TUSC3: variants seen among roughly 807,000 people sequenced by gnomAD.
TUSC3 encodes the protein dolichyl-diphosphooligosaccharide--protein glycosyltransferase subunit TUSC3.
In TUSC3, 45 loss-of-function variants were observed where a neutral mutation model predicts 44.8. That is an observed-to-expected ratio of 1.00 (90% CI 0.79 to 1.29). TUSC3 has a LOEUF of 1.29. Among genes scored for constraint, TUSC3 ranks in the 50% most tolerant of loss-of-function variants. The pLI, the probability that TUSC3 is intolerant of heterozygous loss-of-function variation, is 0.00. For synonymous variants in TUSC3, 212 were observed against 152.9 expected (o/e 1.39, Z -2.85); for missense variants, 519 against 437.9 (o/e 1.19, Z -1.65).
chr8:15,805,081 G>T, the TUSC3 span, among the ~76,000 whole-genome samples: 1 of 151,796 alleles, frequency 6.6e-6, no homozygotes, highest in Non-Finnish European at 1.5e-5. Context: ...TTTTATTTTT[G>T]TGTGTGTGGC....
At chr8:15,510,959 T>C (rs1208152594) in intron 2 of TUSC3, among the ~76,000 whole-genome samples, 1 of 152,116 alleles carries the variant, frequency 6.6e-6, no homozygotes, top group Admixed American at 6.5e-5. Flanking sequence ...ATTAGCAAAC[T>C]AAAAAGGAAA....
At chr8:15,741,838 C>G (rs1165165200) in intron 7 of TUSC3, among the ~76,000 whole-genome samples, 2 of 151,930 alleles carry the variant, frequency 1.3e-5, no homozygotes, top group Admixed American at 1.3e-4. Context: ...AAAGGGGAAA[C>G]TTAGTAACTC....
the TUSC3 span, among the ~76,000 whole-genome samples, chr8:15,781,944 C>A: frequency 2.0e-5 from 3 of 152,234 alleles, no homozygotes; most frequent in South Asian, 6.2e-4. Flanking sequence ...ACCACCCTAG[C>A]CAAGATGGCA....
At chr8:15,523,660 A>ATG (rs1193949854) in intron 2 of TUSC3, among the ~76,000 whole-genome samples, 13 of 16,400 alleles carry the variant, frequency 7.9e-4, no homozygotes, top group African/African-American at 2.8e-3. Context: ...ATATATATAT[A>ATG]TATATGTGTG....
chr8:15,832,578 T>C, the TUSC3 span, among the ~76,000 whole-genome samples: 2 of 151,894 alleles, frequency 1.3e-5, no homozygotes, highest in East Asian at 1.9e-4. Flanking sequence ...AAAATAAAGA[T>C]CTGGAGGAAA....
chr8:15,592,061 G>T (rs1803865329), intron 1 of TUSC3, among the ~76,000 whole-genome samples: 1 of 152,120 alleles, frequency 6.6e-6, no homozygotes, highest in African/African-American at 2.4e-5. Context: ...TAGACTGGAA[G>T]AAGAGAAGGA....
intron 6 of TUSC3, among the ~76,000 whole-genome samples, chr8:15,692,375 G>GTTTTTTTTTTT (rs59838929): frequency 1.3e-4 from 9 of 68,338 alleles, no homozygotes; most frequent in East Asian, 5.1e-4. Flanking sequence ...CCCCCCCTTT[G>GTTTTTTTTTTT]TTTTTTTTTT....
rs1425595766 is a variant in TUSC3, at chr8:15,662,268, A to G, written c.680A>G (p.Asn227Ser). The part of the protein sequence containing the change: ...LRRNNLEFIY[N>S]KTGWAMVSLC... ...AGGAACAACTTGGAGTTCATCTATAACAAGACTGGTTGGGCCATGGTGTCT... is the reference window on the plus strand; with the variant it reads ...AGGAACAACTTGGAGTTCATCTATAGCAAGACTGGTTGGGCCATGGTGTCT... The change falls in exon 5 of 11, where the codon AAC becomes AGC. Residue 227 changes from asparagine to serine, a missense_variant. Transcript: ENST00000503731. The G allele has an allele frequency of 6.2e-7, 1 of 1,613,042 alleles. No individual in the cohort carries two copies. The highest frequency in any genetic ancestry group is 8.5e-7 in the Non-Finnish European group (1 of 1,179,246).
intron 9 of TUSC3, among the ~76,000 whole-genome samples, chr8:15,754,774 C>G (rs1811854244): frequency 7.2e-6 from 1 of 137,992 alleles, no homozygotes. Context: ...GAACCGTGAT[C>G]ATAATTGTCT....
the TUSC3 span, among the ~76,000 whole-genome samples, chr8:15,797,587 C>T: frequency 6.6e-6 from 1 of 152,156 alleles, no homozygotes; most frequent in Non-Finnish European, 1.5e-5. Flanking sequence ...ATAGGAAAAA[C>T]ATTGGAAATT....
intron 1 of TUSC3, among the ~76,000 whole-genome samples, chr8:15,474,229 G>A (rs763042066): frequency 1.3e-5 from 2 of 152,058 alleles, no homozygotes; most frequent in Non-Finnish European, 2.9e-5. Context: ...GAAAATCGCT[G>A]TTATTCTGTT....
intron 1 of TUSC3, among the ~76,000 whole-genome samples, chr8:15,468,077 T>G (rs1327365795): frequency 6.6e-6 from 1 of 152,216 alleles, no homozygotes. Context: ...CAGGTACATC[T>G]TAGAGCTCTA....
chr8:15,626,188 T>A (rs544881576), intron 2 of TUSC3, among the ~76,000 whole-genome samples: 1 of 152,238 alleles, frequency 6.6e-6, no homozygotes, highest in South Asian at 2.1e-4. Context: ...CTCCCAGGCC[T>A]GGAGCCTCTG....
intron 1 of TUSC3, among the ~76,000 whole-genome samples, chr8:15,477,050 C>T (rs1585058933): frequency 6.6e-6 from 1 of 152,276 alleles, no homozygotes; most frequent in East Asian, 1.9e-4. Flanking sequence ...TTACGATTTT[C>T]CATCTGACAC....
intron 2 of TUSC3, among the ~76,000 whole-genome samples, chr8:15,520,117 A>C (rs1801275795): frequency 6.6e-6 from 1 of 152,094 alleles, no homozygotes; most frequent in African/African-American, 2.4e-5. Context: ...TTCCTGTTCT[A>C]ATTCTTCTGT....
chr8:15,513,407 G>T (rs1173238952), intron 2 of TUSC3, among the ~76,000 whole-genome samples: 1 of 152,090 alleles, frequency 6.6e-6, no homozygotes, highest in Non-Finnish European at 1.5e-5. Flanking sequence ...ATATTTGCTG[G>T]ATATAAATTG....
intron 3 of TUSC3, 39 bp from the exon 4 acceptor site, chr8:15,659,468 A>G (rs549014001): frequency 1.2e-6 from 2 of 1,601,654 alleles, no homozygotes; most frequent in East Asian, 2.2e-5. Flanking sequence ...TAATGATAAG[A>G]TGATCCTATA....
the TUSC3 span, among the ~76,000 whole-genome samples, chr8:15,778,363 AC>A: frequency 6.6e-6 from 1 of 152,304 alleles, no homozygotes; most frequent in Admixed American, 6.5e-5. Flanking sequence ...AGACAAGGAG[AC>A]AAAACAGAAA....
intron 6 of TUSC3, among the ~76,000 whole-genome samples, chr8:15,698,427 A>C (rs1809258283): frequency 6.6e-6 from 1 of 152,236 alleles, no homozygotes; most frequent in Admixed American, 6.5e-5. Context: ...CTTGATTTTC[A>C]GTTTATATAC....
Sources: allele counts gnomAD v4.1 joint callset (sites outside exome capture counted in the v4.1 genomes callset), GRCh38; gene constraint gnomAD v4.1.1; transcripts MANE v1.5; gene names NCBI Gene and HGNC (gene_info 2026-07-23, HGNC 2026-07-21).